Variants in PDE4A observed in about 807,000 individuals in gnomAD.
The protein encoded by PDE4A is 3',5'-cyclic-AMP phosphodiesterase 4A.
A neutral mutation model predicts 73.9 loss-of-function variants in PDE4A; 21 were observed. The ratio of observed to expected loss-of-function variants is 0.28; its 90% confidence interval spans 0.20 to 0.41. The LOEUF is 0.41. PDE4A is among the 10% of genes least tolerant of loss of function. The probability of loss-of-function intolerance (pLI) is 1.00; values close to 1 mark genes in which losing one functional copy is unlikely to be tolerated. For synonymous variants in PDE4A, 463 were observed against 505.4 expected (o/e 0.92, Z 1.13); for missense variants, 958 against 1,211.4 (o/e 0.79, Z 3.10).
chr19:10,453,152 C>A lies in PDE4A; in HGVS notation c.784-1677C>A, dbSNP rs1288062709. On this transcript the variant is annotated intron_variant, in intron 6 of 14. Transcript: ENST00000380702. The surrounding 1 kb of genome is among the most constrained non-coding windows in gnomAD (Gnocchi z 4.6). ...GGCCGGCCCAGGCCCCTCCGCGGCT[C>A]CCCCTTCCACTACCCACCTGCCCGG... 6 of 1,436,230 alleles carry A rather than the reference C, an allele frequency of 4.2e-6. No individual in the cohort carries two copies. In the Admixed American group the frequency reaches 1.3e-4, roughly 32 times the overall value. 89.0% of individuals were successfully genotyped at this position (1,436,230 alleles called of 1,614,324 possible).
At chr19:10,443,712 C>CA (rs200741266) in intron 1 of PDE4A, among the ~76,000 whole-genome samples, 2 of 151,576 alleles carry the variant, frequency 1.3e-5, no homozygotes, top group Non-Finnish European at 1.5e-5. Flanking sequence ...GATTTCATCT[C>CA]AAAAAAACAC....
chr19:10,416,833 AG>A, upstream of PDE4A: 1 of 1,531,380 alleles, frequency 6.5e-7, no homozygotes, highest in East Asian at 2.4e-5. Context: ...CCCGACCGGC[AG>A]GGGGAGCCCT....
upstream of PDE4A, among the ~76,000 whole-genome samples, chr19:10,418,116 C>T (rs1291277279): frequency 6.6e-6 from 1 of 152,158 alleles, no homozygotes; most frequent in Non-Finnish European, 1.5e-5. Flanking sequence ...TGTCATGTCT[C>T]CAGCCCCCAA....
intron 1 of PDE4A, among the ~76,000 whole-genome samples, chr19:10,443,815 T>C (rs1198836251): frequency 6.6e-6 from 1 of 151,898 alleles, no homozygotes; most frequent in Non-Finnish European, 1.5e-5. Flanking sequence ...GAAACCAGCC[T>C]GGCCAACATG....
chr19:10,429,643 G>T lies in PDE4A; in HGVS notation c.320+8559G>T, dbSNP rs1349781448. On this transcript the variant is annotated intron_variant, in intron 1 of 14. Transcript: ENST00000380702. Reference sequence around the variant, plus strand: ...ATGAGCCACCACACCTGCCTTCTAGGGGTGTCTTAAGAGTTGTAAGACACA... The same window carrying T: ...ATGAGCCACCACACCTGCCTTCTAGTGGTGTCTTAAGAGTTGTAAGACACA... Among the ~76,000 whole-genome samples the T allele has an allele frequency of 2.0e-5, 3 of 152,088 alleles. 1 individual carries two copies. Among genetic ancestry groups the T allele is most frequent in the African/African-American group, 7.2e-5 (3 of 41,422 alleles).
intron 4 of PDE4A, among the ~76,000 whole-genome samples, 176 bp downstream of exon 4, chr19:10,449,326 GTGTTTTTTGTTTGTTTGTTTGTTTTT>G (rs780859925): frequency 2.7e-4 from 41 of 151,486 alleles, no homozygotes; most frequent in Non-Finnish European, 2.8e-4. Context: ...AGACACAGAG[GTGTTTTTTGTTTGTTTGTTTGTTTTT>G]TGTTTTTTGT....
intron 1 of PDE4A, among the ~76,000 whole-genome samples, chr19:10,445,589 G>A (rs969734674): frequency 3.3e-5 from 5 of 151,912 alleles, no homozygotes; most frequent in African/African-American, 9.7e-5. Flanking sequence ...CCAACATGGT[G>A]GAACCCCATC....
upstream of PDE4A, chr19:10,420,323 A>C: frequency 1.1e-6 from 1 of 948,928 alleles, no homozygotes; most frequent in Non-Finnish European, 1.3e-6. The surrounding 1 kb of genome is among the most constrained non-coding windows in gnomAD (Gnocchi z 6.0). Context: ...TTGAAGACAG[A>C]CGAGTTCCAG....
intron 1 of PDE4A, among the ~76,000 whole-genome samples, chr19:10,430,414 TG>T (rs1373932788): frequency 6.6e-6 from 1 of 151,848 alleles, no homozygotes; most frequent in Non-Finnish European, 1.5e-5. Context: ...CCCCGGGATT[TG>T]GGGGGGTACC....
chr19:10,421,153 G>T, intron 1 of PDE4A, 69 bp downstream of exon 1: 2 of 1,339,638 alleles, frequency 1.5e-6, no homozygotes, highest in Non-Finnish European at 1.9e-6. Flanking sequence ...TCGAGCTGCC[G>T]GCCGCAGGGG....
At chr19:10,466,860 C>A in intron 14 of PDE4A, 27 bp from the exon 15 acceptor site, 1 of 1,603,184 alleles carries the variant, frequency 6.2e-7, no homozygotes, top group South Asian at 1.1e-5. Flanking sequence ...ATAGGCCGCC[C>A]ATTTATACTT....
rs139807307 is a variant in PDE4A, at chr19:10,439,817, G to A, written c.321-6401G>A. Among the ~76,000 whole-genome samples, 38 of 152,082 alleles carry A rather than the reference G, an allele frequency of 2.5e-4. No individual in the cohort carries two copies. In the East Asian group the frequency reaches 5.2e-3, roughly 21 times the overall value. ...AGAGCAACTGGGAAACAGGACACGG[G>A]TAAAGGCCAGTTACAAGTGGCATCC... On this transcript the variant is annotated intron_variant, in intron 1 of 14. Coordinates refer to ENST00000380702, the MANE Select transcript of PDE4A (RefSeq NM_001111307.2).
chr19:10,450,411 C>T, intron 4 of PDE4A, 192 bp from the exon 5 acceptor site: 2 of 831,068 alleles, frequency 2.4e-6, no homozygotes, highest in Non-Finnish European at 2.9e-6. Flanking sequence ...CTCCTTGAGC[C>T]TCAGTTTCCA....
chr19:10,461,164 G>C, intron 11 of PDE4A, 61 bp downstream of exon 11: 1 of 1,580,082 alleles, frequency 6.3e-7, no homozygotes, highest in Non-Finnish European at 8.6e-7. Context: ...GCCAGGCTGG[G>C]GGCGGAACTA....
At chr19:10,449,485 G>A (rs553136033) in intron 4 of PDE4A, among the ~76,000 whole-genome samples, 41 of 151,578 alleles carry the variant, frequency 2.7e-4, no homozygotes, top group African/African-American at 8.5e-4. Context: ...TCAGCCTCCC[G>A]GGTAGCTGGG....
intron 7 of PDE4A, among the ~76,000 whole-genome samples, chr19:10,456,034 C>T (rs1051960139): frequency 1.3e-5 from 2 of 150,704 alleles, no homozygotes; most frequent in Admixed American, 6.7e-5. Context: ...GTATGACCCC[C>T]CCCCAATTCA....
chr19:10,453,186 C>T lies in PDE4A; in HGVS notation c.784-1643C>T. ...ACTACCCACCTGCCCGGCACCCCCT[C>T]CCCAGTGGTTGTTAACCCCGGGACT... On this transcript the variant is annotated intron_variant, in intron 6 of 14. Coordinates refer to ENST00000380702, the MANE Select transcript of PDE4A (RefSeq NM_001111307.2). The surrounding 1 kb of genome is among the most constrained non-coding windows in gnomAD (Gnocchi z 4.6). The T allele has an allele frequency of 6.6e-7, 1 of 1,509,942 alleles. No homozygotes were observed. The highest frequency in any genetic ancestry group is 1.3e-5 in the South Asian group (1 of 76,044). 93.5% of individuals were successfully genotyped at this position (1,509,942 alleles called of 1,614,324 possible). A position where few individuals can be genotyped will look rare whatever the true frequency, so the allele number is the denominator to read the frequency against.
At chr19:10,421,686 C>T (rs564349260) in intron 1 of PDE4A, among the ~76,000 whole-genome samples, 1 of 152,196 alleles carries the variant, frequency 6.6e-6, no homozygotes, top group East Asian at 1.9e-4. Flanking sequence ...CCTCTCAGGG[C>T]AAGAGTGTTA....
chr19:10,419,062 T>C (rs1599391928), upstream of PDE4A: 1 of 932,296 alleles, frequency 1.1e-6, no homozygotes, highest in East Asian at 1.2e-4. Flanking sequence ...CAGTCTTTTT[T>C]TTTTTTTTTT....
Sources: allele counts gnomAD v4.1 joint callset (sites outside exome capture counted in the v4.1 genomes callset), GRCh38; gene constraint gnomAD v4.1.1; non-coding constraint Gnocchi (gnomAD v3.1); transcripts MANE v1.5; gene names NCBI Gene and HGNC (gene_info 2026-07-23, HGNC 2026-07-21).